The following ORC3 variants were observed in gnomAD, a reference collection of about 807,000 sequenced individuals.
ORC3 encodes homolog of latheo, Drosophila.
Under a neutral mutation model 100.7 loss-of-function variants are expected in ORC3, and 78 were observed. That is an observed-to-expected ratio of 0.77 (90% CI 0.65 to 0.94). ORC3 has a LOEUF of 0.94. ORC3 is among the 40% of genes least tolerant of loss of function. The pLI is 0.00. For missense variants in ORC3, 789 were observed against 823.9 expected (o/e 0.96, Z 0.52); for synonymous variants, 295 against 289.3 (o/e 1.02, Z -0.20).
rs973294297 is a variant in ORC3, at chr6:87,662,986, C to G, written c.1692-17C>G. On this transcript the variant is annotated splice_polypyrimidine_tract_variant and intron_variant, in intron 16 of 19. Coordinates refer to ENST00000392844, the MANE Select transcript of ORC3 (RefSeq NM_012381.4). ...CCTGTGCTTATCTAAACATGGATGC[C>G]TGACTGGCTGTTTCAGAGAATACCT... 1 of 1,580,802 alleles carries G rather than the reference C, an allele frequency of 6.3e-7. No individual in the cohort carries two copies.
At chr6:87,591,473 A>C (rs1301218024) in intron 1 of ORC3, among the ~76,000 whole-genome samples, 1 of 152,238 alleles carries the variant, frequency 6.6e-6, no homozygotes, top group Non-Finnish European at 1.5e-5. Context: ...AGAGATTCAA[A>C]GGTAGTATTT....
chr6:87,641,096 G>C (rs924092487), intron 13 of ORC3, among the ~76,000 whole-genome samples: 6 of 150,706 alleles, frequency 4.0e-5, no homozygotes, highest in Non-Finnish European at 7.4e-5. Flanking sequence ...GCAACCAAGT[G>C]AGACTCCATC....
chr6:87,621,546 G>C (rs1232113333), intron 10 of ORC3, 59 bp downstream of exon 10: 1 of 1,124,506 alleles, frequency 8.9e-7, no homozygotes, highest in African/African-American at 1.6e-5. Context: ...CTAAATAAGA[G>C]ATCTCAGATC....
intron 4 of ORC3, among the ~76,000 whole-genome samples, chr6:87,605,534 C>T (rs1006788217): frequency 2.0e-5 from 3 of 151,932 alleles, no homozygotes; most frequent in Non-Finnish European, 2.9e-5. Context: ...CCTGTAATTC[C>T]AGCTACTCAG....
chr6:87,629,076 T>G (rs1001815661), intron 11 of ORC3, among the ~76,000 whole-genome samples: 5 of 152,194 alleles, frequency 3.3e-5, no homozygotes, highest in African/African-American at 1.2e-4. Context: ...ACATAAGTGC[T>G]AGGAGAAAGC....
At chr6:87,615,995 T>G (rs1420077380) in intron 8 of ORC3, among the ~76,000 whole-genome samples, 1 of 151,922 alleles carries the variant, frequency 6.6e-6, no homozygotes, top group Non-Finnish European at 1.5e-5. Flanking sequence ...GCCTGCAGCT[T>G]CTTCAGTGGT....
chr6:87,655,754 G>A (rs561021431), intron 14 of ORC3, among the ~76,000 whole-genome samples: 1 of 151,432 alleles, frequency 6.6e-6, no homozygotes, highest in Admixed American at 6.6e-5. Flanking sequence ...CTCACACCAT[G>A]GCCTCCCAAA....
chr6:87,644,564 G>T (rs1474903087), intron 13 of ORC3, among the ~76,000 whole-genome samples: 1 of 152,120 alleles, frequency 6.6e-6, no homozygotes, highest in Non-Finnish European at 1.5e-5. Flanking sequence ...AGCCGGGCGT[G>T]GTGGCACACG....
intron 5 of ORC3, among the ~76,000 whole-genome samples, chr6:87,606,264 A>C (rs975247137): frequency 2.6e-5 from 4 of 152,200 alleles, no homozygotes; most frequent in African/African-American, 9.7e-5. Context: ...GTAGCAGTCC[A>C]GGCATTTTGT....
chr6:87,596,884 C>T (rs1777484789), intron 2 of ORC3, among the ~76,000 whole-genome samples: 1 of 152,138 alleles, frequency 6.6e-6, no homozygotes, highest in African/African-American at 2.4e-5. Flanking sequence ...CATATAATTA[C>T]AGGTAATACT....
chr6:87,650,905 G>GT lies in ORC3; in HGVS notation c.1383-2209dup, dbSNP rs1324905780. The GT allele has an allele frequency of 2.3e-5, 7 of 302,042 alleles. No homozygotes were observed. The Admixed American group carries it at 2.8e-4, about 12-fold the overall frequency. 18.7% of individuals were successfully genotyped at this position (302,042 alleles called of 1,614,324 possible). A position where few individuals can be genotyped will look rare whatever the true frequency, so the allele number is the denominator to read the frequency against. ...GCCTGTAATCACAGCTACTCGGGAGGTTGAGGCAGGAGAATCGCTTGGACC... is the reference window on the plus strand; with the variant it reads ...GCCTGTAATCACAGCTACTCGGGAGGTTTGAGGCAGGAGAATCGCTTGGACC... On this transcript the variant is annotated intron_variant, in intron 13 of 19. Transcript: ENST00000392844.
chr6:87,604,389 C>A (rs1778185034), intron 4 of ORC3, among the ~76,000 whole-genome samples: 1 of 152,090 alleles, frequency 6.6e-6, no homozygotes, highest in African/African-American at 2.4e-5. Context: ...CCAGCTGATG[C>A]CCATAGTCCC....
At chr6:87,667,927 C>G (rs1316492952), downstream of ORC3, among the ~76,000 whole-genome samples, 1 of 147,972 alleles carries the variant, frequency 6.8e-6, no homozygotes, top group Admixed American at 6.7e-5. Context: ...GACTCCGTGT[C>G]AAAAAAAAAA....
At chr6:87,665,079 C>T (rs1224192713) in intron 18 of ORC3, among the ~76,000 whole-genome samples, 1 of 152,170 alleles carries the variant, frequency 6.6e-6, no homozygotes, top group Non-Finnish European at 1.5e-5. Flanking sequence ...TCCTGAATTC[C>T]TTAACCAAGC....
chr6:87,646,317 G>A (rs1175265770), intron 13 of ORC3, among the ~76,000 whole-genome samples: 1 of 149,494 alleles, frequency 6.7e-6, no homozygotes, highest in Non-Finnish European at 1.5e-5. Flanking sequence ...TAATTAAGTG[G>A]GATAAAGATA....
At position 87,607,823 on chromosome 6, in the gene ORC3, A is replaced by G; in HGVS notation, c.578A>G (p.Gln193Arg). 1.2e-6 allele frequency: 2 copies of G among 1,603,914 alleles called. No homozygotes were observed. The highest frequency in any genetic ancestry group is 1.7e-6 in the Non-Finnish European group (2 of 1,173,912). ...SLSSWYMTVT[Q>R]KTDPKMLSKK... The stretch of plus-strand genomic sequence containing the variant: ...TCCAGTTGGTATATGACTGTCACAC[A>G]GGTAGATATAAACTGATGATTTTCT... Residue 193 changes from glutamine to arginine, a missense_variant and splice_region_variant, in exon 6 of 20, where the codon CAG becomes CGG. Coordinates refer to ENST00000392844, the MANE Select transcript of ORC3 (RefSeq NM_012381.4).
chr6:87,614,507 G>C (rs1323297238), intron 8 of ORC3, among the ~76,000 whole-genome samples: 1 of 152,166 alleles, frequency 6.6e-6, no homozygotes, highest in Non-Finnish European at 1.5e-5. Flanking sequence ...TCAGAAATGG[G>C]ATTTTCTTTT....
rs566877099 is a variant in ORC3 at position 87,655,345 on chromosome 6, C to A, written c.1517-1561C>A. Among the ~76,000 whole-genome samples, 341 of 146,628 alleles carry A rather than the reference C, an allele frequency of 2.3e-3. 2 individuals carry two copies. The highest frequency in any genetic ancestry group is 8.2e-3 in the African/African-American group (326 of 39,994). ...GGACTACAGAAAAGGGCCACAACAT[C>A]CAGCTGAATTTTTTTTTTTTTTTTT... is the stretch of plus-strand genomic sequence containing the variant. On this transcript the variant is annotated intron_variant, in intron 14 of 19. Transcript: ENST00000392844.
intron 13 of ORC3, among the ~76,000 whole-genome samples, chr6:87,650,061 C>CT (rs565491984): frequency 0.2 from 24,128 of 122,598 alleles, 2,948 homozygotes; most frequent in African/African-American, 0.32. Flanking sequence ...TTTACACTCT[C>CT]TTTTTTTTTT....
Sources: gnomAD v4.1 joint callset for allele counts (sites outside exome capture counted in the v4.1 genomes callset) on GRCh38, gnomAD v4.1.1 for gene constraint, MANE v1.5 for transcripts, NCBI Gene and HGNC (gene_info 2026-07-23, HGNC 2026-07-21) for gene names.